The following LINGO2 variants were observed in gnomAD, a reference collection of about 807,000 sequenced individuals.
The protein encoded by LINGO2 is leucine rich repeat and Ig domain containing 2, also known as leucine-rich repeat and immunoglobulin-like domain-containing nogo receptor-interacting protein 2.
Under a neutral mutation model 30.6 loss-of-function variants are expected in LINGO2, and 14 were observed. The ratio of observed to expected loss-of-function variants is 0.46; its 90% CI spans 0.30 to 0.72. The LOEUF is 0.72. Ranked by LOEUF, LINGO2 falls within the 30% of genes least tolerant of loss-of-function variation. The probability of loss-of-function intolerance (pLI) is 0.07; values close to 1 mark genes in which losing one functional copy is unlikely to be tolerated. For synonymous variants in LINGO2, 317 were observed against 288.5 expected, an observed-to-expected ratio of 1.10 and a Z score of -1.00; for missense variants, 729 against 751.7, an observed-to-expected ratio of 0.97 and a Z score of 0.35.
intron 4 of LINGO2, among the ~76,000 whole-genome samples, chr9:28,116,955 G>A (rs1460872858): frequency 1.1e-5 from 1 of 92,306 alleles, no homozygotes; most frequent in Non-Finnish European, 2.3e-5. Flanking sequence ...TGCTGGTGAG[G>A]AACTGCGTTC....
At chr9:28,467,074 A>G (rs1417818400) in intron 2 of LINGO2, among the ~76,000 whole-genome samples, 2 of 150,014 alleles carry the variant, frequency 1.3e-5, no homozygotes, top group Admixed American at 6.7e-5. Flanking sequence ...TGCCCTGGCT[A>G]GAGTGCAGTG....
chr9:29,198,877 T>C, the LINGO2 span, among the ~76,000 whole-genome samples: 1 of 152,078 alleles, frequency 6.6e-6, no homozygotes, highest in East Asian at 1.9e-4. Context: ...ATATTACGCA[T>C]GTAACTGGAC....
At chr9:28,092,215 T>A (rs1371448778) in intron 4 of LINGO2, among the ~76,000 whole-genome samples, 1 of 152,172 alleles carries the variant, frequency 6.6e-6, no homozygotes, top group Non-Finnish European at 1.5e-5. Context: ...CAAAGGATTA[T>A]AATTCATGCT....
the LINGO2 span, among the ~76,000 whole-genome samples, chr9:28,841,362 A>G: frequency 6.6e-6 from 1 of 151,806 alleles, no homozygotes; most frequent in East Asian, 1.9e-4. Context: ...TTAATAGGCC[A>G]TGTTTCTGGG....
the LINGO2 span, among the ~76,000 whole-genome samples, chr9:28,973,474 G>A: frequency 2.0e-5 from 3 of 152,104 alleles, no homozygotes; most frequent in African/African-American, 7.2e-5. Context: ...TGAATCATGG[G>A]GGTAGTTCCA....
the LINGO2 span, among the ~76,000 whole-genome samples, chr9:29,111,009 A>AG: frequency 0.47 from 71,171 of 151,994 alleles, 17,384 homozygotes; most frequent in African/African-American, 0.62. Flanking sequence ...TTTTTAAAAA[A>AG]TAAGTTACTA....
the LINGO2 span, among the ~76,000 whole-genome samples, chr9:28,705,172 C>A: frequency 6.6e-6 from 1 of 152,042 alleles, no homozygotes; most frequent in Non-Finnish European, 1.5e-5. Context: ...CCGTCTCAGC[C>A]TCCCAAAGTG....
the LINGO2 span, among the ~76,000 whole-genome samples, chr9:28,848,212 C>T: frequency 4.7e-5 from 4 of 85,152 alleles, no homozygotes; most frequent in African/African-American, 8.3e-5. Flanking sequence ...TATATATATA[C>T]TATATATACG....
At chr9:28,022,687 TA>T (rs1359829136) in intron 4 of LINGO2, among the ~76,000 whole-genome samples, 2 of 152,052 alleles carry the variant, frequency 1.3e-5, no homozygotes, top group Non-Finnish European at 2.9e-5. Flanking sequence ...TTTTGATATT[TA>T]TCCTGCTGGT....
Position 28,130,892 on chromosome 9 carries a change from A to G in LINGO2, c.-86-118487T>C, listed in dbSNP as rs1379074407. On this transcript the variant is annotated intron_variant, in intron 4 of 5. Coordinates refer to ENST00000379992, the Ensembl canonical transcript of LINGO2. This position sits in a 1 kb window ranked among gnomAD's most constrained non-coding sequence, Gnocchi z 5.2. The stretch of plus-strand genomic sequence containing the variant: ...GAGGCCTTTCAAAATAGGGCCTCAC[A>G]TCTATATTTGTTTCAGTTTTCTGTC... Among the ~76,000 whole-genome samples, 2 of 152,152 alleles carry G rather than the reference A, an allele frequency of 1.3e-5. No homozygotes were observed. The highest frequency in any genetic ancestry group is 4.8e-5 in the African/African-American group (2 of 41,434).
intron 1 of LINGO2, among the ~76,000 whole-genome samples, chr9:28,657,563 TATA>T (rs35318662): frequency 0.093 from 14,156 of 151,964 alleles, 862 homozygotes; most frequent in East Asian, 0.19. Context: ...AGTACTTTCT[TATA>T]ATCCTTTTCA....
intron 4 of LINGO2, among the ~76,000 whole-genome samples, chr9:28,046,160 C>T (rs1028721761): frequency 7.2e-5 from 11 of 152,140 alleles, no homozygotes; most frequent in African/African-American, 2.7e-4. Flanking sequence ...TAAATGAGAT[C>T]CTTTTGCTAT....
intron 4 of LINGO2, among the ~76,000 whole-genome samples, chr9:28,033,192 AGT>A (rs781170789): frequency 4.2e-4 from 64 of 152,334 alleles, no homozygotes; most frequent in African/African-American, 1.5e-3. Flanking sequence ...GGGCTTGCAC[AGT>A]GTGTTACACT....
upstream of LINGO2, among the ~76,000 whole-genome samples, chr9:28,674,877 C>T (rs765336433): frequency 1.3e-5 from 2 of 152,120 alleles, no homozygotes; most frequent in Non-Finnish European, 2.9e-5. Flanking sequence ...GGCAGCCTCT[C>T]ACCTGAAGCT....
the LINGO2 span, among the ~76,000 whole-genome samples, chr9:28,713,931 G>A: frequency 6.6e-6 from 1 of 152,096 alleles, no homozygotes; most frequent in East Asian, 2.0e-4. Context: ...GCCGAGGCAG[G>A]TGGATCACCT....
chr9:28,593,838 C>T (rs780657182), intron 1 of LINGO2, among the ~76,000 whole-genome samples: 13 of 151,924 alleles, frequency 8.6e-5, no homozygotes, highest in Non-Finnish European at 1.6e-4. Flanking sequence ...GAACATTACA[C>T]CAGCTTTTAG....
At chr9:29,055,930 ATGTG>A in the LINGO2 span, among the ~76,000 whole-genome samples, 1,295 of 99,716 alleles carry the variant, frequency 0.013, 23 homozygotes, top group East Asian at 0.03. Flanking sequence ...TCCCATGTGT[ATGTG>A]TGTGTGTATA....
the LINGO2 span, among the ~76,000 whole-genome samples, chr9:29,032,487 G>C: frequency 6.6e-6 from 1 of 152,146 alleles, no homozygotes; most frequent in Non-Finnish European, 1.5e-5. Context: ...TTGTCTTCAT[G>C]AAACTTTTGA....
intron 1 of LINGO2, among the ~76,000 whole-genome samples, chr9:28,476,895 T>C (rs1377910652): frequency 6.6e-6 from 1 of 152,216 alleles, no homozygotes; most frequent in African/African-American, 2.4e-5. Flanking sequence ...AAAACTGGAA[T>C]CTGCTTTTGG....
Sources: gnomAD v4.1 joint callset for allele counts (sites outside exome capture counted in the v4.1 genomes callset) on GRCh38, gnomAD v4.1.1 for gene constraint, Gnocchi (gnomAD v3.1) non-coding constraint, MANE v1.5 for transcripts, NCBI Gene and HGNC (gene_info 2026-07-23, HGNC 2026-07-21) for gene names.